The following UHRF2 variants were observed in gnomAD, a reference collection of about 807,000 sequenced individuals.
The protein encoded by UHRF2 is E3 ubiquitin-protein ligase UHRF2.
A neutral mutation model predicts 96.8 loss-of-function variants in UHRF2; 23 were observed. That is an observed-to-expected ratio of 0.24 (90% confidence interval 0.17 to 0.34). The LOEUF (loss-of-function observed/expected upper bound fraction) is 0.34. UHRF2 is among the 10% of genes least tolerant of loss of function. UHRF2 has a pLI of 1.00. For missense variants in UHRF2, 685 were observed against 981.5 expected (o/e 0.70, Z 4.04); for synonymous variants, 385 against 332.6 (o/e 1.16, Z -1.72).
chr9:6,494,409 T>C (rs1307644761), intron 10 of UHRF2: 2 of 152,758 alleles, frequency 1.3e-5, no homozygotes, highest in African/African-American at 4.8e-5. Flanking sequence ...TCAGATATCT[T>C]CTAAGAGTTG....
chr9:6,452,758 G>A (rs1395340016), intron 3 of UHRF2, among the ~76,000 whole-genome samples: 1 of 152,238 alleles, frequency 6.6e-6, no homozygotes, highest in East Asian at 1.9e-4. Flanking sequence ...TGGGGTAGGG[G>A]GATTCCATTT....
At chr9:6,501,257 CCTT>C (rs1816275728) in intron 14 of UHRF2, among the ~76,000 whole-genome samples, 1 of 152,022 alleles carries the variant, frequency 6.6e-6, no homozygotes, top group Non-Finnish European at 1.5e-5. Context: ...GCAAACAAGC[CCTT>C]CTTATCAAAT....
At chr9:6,439,145 G>T (rs1176874447) in intron 3 of UHRF2, among the ~76,000 whole-genome samples, 1 of 152,124 alleles carries the variant, frequency 6.6e-6, no homozygotes, top group Non-Finnish European at 1.5e-5. Flanking sequence ...GCTTGTAAAT[G>T]GTCCTTTTCT....
intron 3 of UHRF2, among the ~76,000 whole-genome samples, chr9:6,435,913 A>G (rs1027597046): frequency 2.0e-5 from 3 of 152,178 alleles, no homozygotes; most frequent in African/African-American, 4.8e-5. Context: ...CCGGCCCAAA[A>G]TAGGTTTTAA....
At position 6,421,076 on chromosome 9, in the gene UHRF2, A is replaced by G. The variant is rs2130721774; in HGVS notation, c.318A>G (p.Gly106=). 6.2e-7 allele frequency: 1 copy of G among 1,614,158 alleles called. No homozygotes were observed. The highest frequency in any genetic ancestry group is 1.3e-5 in the African/African-American group (1 of 75,032). The change falls in exon 2 of 16, where the codon GGA becomes GGG. Residue 106 remains glycine (G), a synonymous_variant. Coordinates refer to ENST00000276893, the MANE Select transcript of UHRF2 (RefSeq NM_152896.3). ...AAGTAAAGAAAGCTCCGAGGGTAGG[A>G]CCTTCCAATCAGCCATCTACATCAG... ...PPKVKKAPRV[G]PSNQPSTSAR... is the part of the protein sequence containing the mutation.
chr9:6,500,044 C>A, intron 13 of UHRF2, 113 bp downstream of exon 13: 1 of 830,544 alleles, frequency 1.2e-6, no homozygotes, highest in Non-Finnish European at 1.9e-6. Flanking sequence ...AAGATCTTGG[C>A]TCACTGTAGC....
intron 1 of UHRF2, 193 bp downstream of exon 1, chr9:6,413,836 GC>G (rs1819431346): frequency 1.3e-5 from 8 of 614,142 alleles, no homozygotes; most frequent in Middle Eastern, 4.8e-4. Context: ...GTCCCTGCCA[GC>G]CCCAACTGGA....
At chr9:6,459,213 T>A (rs546818983) in intron 3 of UHRF2, among the ~76,000 whole-genome samples, 270 of 151,644 alleles carry the variant, frequency 1.8e-3, no homozygotes, top group African/African-American at 5.1e-3. Flanking sequence ...ACTTAAATTT[T>A]AAAAAAAGAA....
At chr9:6,499,159 C>G (rs773733313) in intron 12 of UHRF2, 3 of 152,096 alleles carry the variant, frequency 2.0e-5, no homozygotes, top group Non-Finnish European at 2.9e-5. Flanking sequence ...GCATGTGAGC[C>G]CATCTGCTAT....
In UHRF2 at chr9:6,459,405, A is replaced by G. The variant is rs149583337; in HGVS notation, c.645-1168A>G. Among the ~76,000 whole-genome samples the G allele has an allele frequency of 4.1e-3, 628 of 152,332 alleles. 2 individuals are homozygous for G. Among genetic ancestry groups the G allele is most frequent in the African/African-American group, 0.014 (602 of 41,582 alleles). Reference sequence around the variant, plus strand: ...AACTTGGGGCCGGGTGCGGTGGCTCATGCCTGTAATCCCAGCACTTTGTGA... The same window carrying G: ...AACTTGGGGCCGGGTGCGGTGGCTCGTGCCTGTAATCCCAGCACTTTGTGA... On this transcript the variant is annotated intron_variant, in intron 3 of 15. Transcript: ENST00000276893.
chr9:6,472,847 G>A (rs960993442), intron 4 of UHRF2, among the ~76,000 whole-genome samples: 8 of 152,140 alleles, frequency 5.3e-5, no homozygotes, highest in Non-Finnish European at 1.2e-4. Flanking sequence ...TAAGAACTGG[G>A]ATTTTTCTGG....
chr9:6,497,968 A>G (rs774267131), intron 11 of UHRF2, 50 bp from the exon 12 acceptor site: 2 of 1,601,110 alleles, frequency 1.2e-6, no homozygotes, highest in African/African-American at 2.7e-5. Context: ...AATGTGATGA[A>G]TAAGTCTAAA....
intron 10 of UHRF2, chr9:6,496,734 C>T (rs1824995810): frequency 6.5e-6 from 1 of 152,832 alleles, no homozygotes; most frequent in African/African-American, 2.4e-5. Flanking sequence ...GGAAAGTAGA[C>T]CTGGGAAGGT....
chr9:6,484,403 T>TCCTCCTC (rs367919732), intron 8 of UHRF2, among the ~76,000 whole-genome samples: 1,759 of 148,170 alleles, frequency 0.012, 25 homozygotes, highest in Non-Finnish European at 0.021. Flanking sequence ...CTCCTCCTCC[T>TCCTCCTC]CCTCCTCCCT....
At chr9:6,451,174 G>C (rs1382426419) in intron 3 of UHRF2, among the ~76,000 whole-genome samples, 1 of 151,914 alleles carries the variant, frequency 6.6e-6, no homozygotes, top group Admixed American at 6.6e-5. Flanking sequence ...CTACTGAAAA[G>C]TTACGTGTTT....
intron 3 of UHRF2, among the ~76,000 whole-genome samples, chr9:6,443,195 A>G (rs1221540321): frequency 6.6e-6 from 1 of 152,238 alleles, no homozygotes; most frequent in African/African-American, 2.4e-5. Flanking sequence ...ACTGTGGGCA[A>G]ATGATCGCCA....
intron 3 of UHRF2, among the ~76,000 whole-genome samples, chr9:6,441,072 A>G (rs1821133778): frequency 6.6e-6 from 1 of 152,178 alleles, no homozygotes; most frequent in Admixed American, 6.5e-5. Flanking sequence ...GAGCATCAGC[A>G]CCACGTGTTA....
At position 6,440,386 on chromosome 9, in the gene UHRF2, A is replaced by C. The variant is rs1821090994; in HGVS notation, c.644+6213A>C. ...TGAGGAAACCAAGGATTAATTATAT[A>C]ATTAGCCAAGGGTCACATCTATTAA... On this transcript the variant is annotated intron_variant, in intron 3 of 15. Transcript: ENST00000276893. Among the ~76,000 whole-genome samples the C allele has an allele frequency of 2.6e-5, 4 of 152,326 alleles. No homozygotes were observed. The South Asian group carries it at 8.3e-4, about 32-fold the overall frequency.
In UHRF2 at chr9:6,493,858, C is replaced by T. The variant is rs778066400; in HGVS notation, c.1530C>T (p.Ser510=). The part of the protein sequence containing the change: ...DRGDEFTYTG[S]GGKNLAGNKR... Reference sequence around the variant, plus strand: ...GTGATGAGTTCACATACACTGGAAGCGGTGGTAAAAATCTTGCTGGTAACA... The same window carrying T: ...GTGATGAGTTCACATACACTGGAAGTGGTGGTAAAAATCTTGCTGGTAACA... The change falls in exon 10 of 16, where the codon AGC becomes AGT. Residue 510 remains serine, a synonymous_variant. Transcript: ENST00000276893. 8 of 1,613,842 alleles carry T rather than the reference C, an allele frequency of 5.0e-6. No individual in the cohort carries two copies. The highest frequency in any genetic ancestry group is 1.3e-5 in the African/African-American group (1 of 74,994).
Sources: allele counts gnomAD v4.1 joint callset (sites outside exome capture counted in the v4.1 genomes callset), GRCh38; gene constraint gnomAD v4.1.1; transcripts MANE v1.5; gene names NCBI Gene and HGNC (gene_info 2026-07-23, HGNC 2026-07-21).